Variants in CACNA1A observed in about 807,000 individuals in gnomAD.
CACNA1A encodes calcium voltage-gated channel subunit alpha1 A.
CACNA1A carries 57 observed loss-of-function variants against 262.4 expected under a neutral mutation model. The observed-to-expected ratio is 0.22, with a 90% CI of 0.18 to 0.27. The LOEUF is 0.27. Ranked by LOEUF, CACNA1A falls within the 10% of genes least tolerant of loss-of-function variation. The probability of loss-of-function intolerance (pLI) is 1.00; values close to 1 mark genes in which losing one functional copy is unlikely to be tolerated. For missense variants in CACNA1A, 2,526 were observed against 3,562.8 expected, an observed-to-expected ratio of 0.71 and a Z score of 7.41; for synonymous variants, 1,431 against 1,419.3, an observed-to-expected ratio of 1.01 and a Z score of -0.18.
At chr19:13,275,508 C>T (rs948493327) in intron 24 of CACNA1A, 10 of 314,738 alleles carry the variant, frequency 3.2e-5, no homozygotes, top group African/African-American at 1.7e-4. Context: ...AAAGAGACAG[C>T]GGTTTGGGCG....
chr19:13,339,217 C>T (rs1042264411), intron 6 of CACNA1A, among the ~76,000 whole-genome samples: 8 of 152,014 alleles, frequency 5.3e-5, no homozygotes, highest in African/African-American at 1.7e-4. Flanking sequence ...AATGCTGATA[C>T]GTGCTGCAAC....
At chr19:13,294,000 A>G (rs920369168) in intron 19 of CACNA1A, among the ~76,000 whole-genome samples, 1 of 152,052 alleles carries the variant, frequency 6.6e-6, no homozygotes, top group African/African-American at 2.4e-5. Flanking sequence ...TTAGGGAGAG[A>G]CATTTTGTCC....
intron 19 of CACNA1A, among the ~76,000 whole-genome samples, chr19:13,287,332 C>A (rs12609792): frequency 5.9e-4 from 89 of 151,866 alleles, no homozygotes; most frequent in Non-Finnish European, 1.1e-3. Flanking sequence ...GTCTGGGTGA[C>A]AGAGTGAGAC....
chr19:13,336,596 A>AGAGAGAGG (rs763741285), intron 6 of CACNA1A, among the ~76,000 whole-genome samples: 2,817 of 89,332 alleles, frequency 0.032, 25 homozygotes, highest in Admixed American at 0.064. Flanking sequence ...AGAGAGAGGG[A>AGAGAGAGG]GAGAGAGAGA....
chr19:13,470,033 T>G (rs2061323535), intron 1 of CACNA1A, among the ~76,000 whole-genome samples: 1 of 152,056 alleles, frequency 6.6e-6, no homozygotes, highest in Non-Finnish European at 1.5e-5. Flanking sequence ...GCTGGTGACA[T>G]TAAATTCATG....
At chr19:13,215,036 G>C (rs1472444839) in intron 38 of CACNA1A, 25 of 164,064 alleles carry the variant, frequency 1.5e-4, no homozygotes, top group Admixed American at 1.5e-3. Context: ...TTTAGACAGA[G>C]TCTTGCTCTG....
intron 29 of CACNA1A, among the ~76,000 whole-genome samples, chr19:13,254,202 C>T (rs1194653430): frequency 1.3e-5 from 2 of 152,078 alleles, no homozygotes; most frequent in African/African-American, 4.8e-5. Flanking sequence ...GTTGCTTGTA[C>T]AAAGGTAAAT....
intron 6 of CACNA1A, among the ~76,000 whole-genome samples, chr19:13,340,904 C>T (rs1182705218): frequency 6.6e-6 from 1 of 151,944 alleles, no homozygotes; most frequent in Non-Finnish European, 1.5e-5. Context: ...GACGGGTTTC[C>T]TTATAAAAAG....
At chr19:13,277,259 T>A in intron 22 of CACNA1A, 131 bp from the exon 23 acceptor site, 1 of 635,752 alleles carries the variant, frequency 1.6e-6, no homozygotes, top group Non-Finnish European at 2.8e-6. Flanking sequence ...TATATACAGT[T>A]GCGCAGGGCG....
chr19:13,292,697 G>A (rs1368088475), intron 19 of CACNA1A, among the ~76,000 whole-genome samples: 1 of 152,142 alleles, frequency 6.6e-6, no homozygotes, highest in African/African-American at 2.4e-5. Context: ...GACTGAAGAA[G>A]AGGAAAAATG....
chr19:13,497,364 C>A (rs1981653963), intron 1 of CACNA1A, among the ~76,000 whole-genome samples: 1 of 148,028 alleles, frequency 6.8e-6, no homozygotes, highest in African/African-American at 2.5e-5. Flanking sequence ...AAACAATCCC[C>A]CACCCCAAAC....
intron 6 of CACNA1A, among the ~76,000 whole-genome samples, chr19:13,336,622 AG>A (rs2058578896): frequency 6.6e-6 from 1 of 150,936 alleles, no homozygotes; most frequent in South Asian, 2.1e-4. Flanking sequence ...AGAGAGAGAG[AG>A]AGAGAGAGAG....
intron 6 of CACNA1A, among the ~76,000 whole-genome samples, chr19:13,347,580 T>C (rs75454415): frequency 0.029 from 4,436 of 152,284 alleles, 213 homozygotes; most frequent in African/African-American, 0.1. Flanking sequence ...TTATCTGTCG[T>C]TACTTTCACG....
At position 13,303,828 on chromosome 19, in the gene CACNA1A, C is replaced by A; in HGVS notation, c.2043G>T (p.Gly681=). The A allele has an allele frequency of 6.2e-7, 1 of 1,613,782 alleles. No homozygotes were observed. Among genetic ancestry groups the A allele is most frequent in the Non-Finnish European group, 8.5e-7 (1 of 1,179,746 alleles). The stretch of plus-strand genomic sequence containing the variant: ...AGAACACCATGCCGCCCTGCACGCC[C>A]CCCTGAGACTTGATCCCGTCGTACA... ...EVMYDGIKSQ[G]GVQGGMVFSI... The change falls in exon 16 of 47, where the codon GGG becomes GGT. Residue 681 remains glycine, a synonymous_variant. Transcript: ENST00000360228.
chr19:13,468,858 T>C (rs1473017226), intron 1 of CACNA1A, among the ~76,000 whole-genome samples: 1 of 152,004 alleles, frequency 6.6e-6, no homozygotes, highest in East Asian at 1.9e-4. Context: ...AAGACCAAGG[T>C]GGGGCCACTG....
chr19:13,466,867 T>C (rs2061252299), intron 1 of CACNA1A, among the ~76,000 whole-genome samples: 1 of 148,282 alleles, frequency 6.7e-6, no homozygotes, highest in Non-Finnish European at 1.5e-5. Flanking sequence ...CCTCTCTCTT[T>C]TAAATTTCCA....
chr19:13,482,546 G>C (rs905645982), intron 1 of CACNA1A, among the ~76,000 whole-genome samples: 6 of 151,510 alleles, frequency 4.0e-5, no homozygotes, highest in African/African-American at 1.5e-4. Context: ...TGAGAACCTA[G>C]TTTCACTTTG....
At chr19:13,242,806 G>A (rs545575646) in intron 31 of CACNA1A, among the ~76,000 whole-genome samples, 1 of 152,174 alleles carries the variant, frequency 6.6e-6, no homozygotes, top group Non-Finnish European at 1.5e-5. Context: ...AAGTGTCTGA[G>A]GTTGGTTGCA....
At position 13,207,286 on chromosome 19, in the gene CACNA1A, G is replaced by C. The variant is rs773504559; in HGVS notation, c.*27C>G. 13 of 1,528,654 alleles carry C rather than the reference G, an allele frequency of 8.5e-6. No individual in the cohort carries two copies. Among genetic ancestry groups the C allele is most frequent in the Admixed American group, 5.9e-5 (3 of 51,126 alleles). The allele number at this position is 1,528,654 out of a possible 1,614,324, so 94.7% of individuals were successfully genotyped here. On this transcript the variant is annotated 3_prime_UTR_variant, in exon 47 of 47. Transcript: ENST00000360228. This position sits in a 1 kb window ranked among gnomAD's most constrained non-coding sequence, Gnocchi z 5.7. Reference sequence around the variant, plus strand: ...GGTGTGTGCGTGGGGTGCGTGGGGGGCCGGGCGGGCGCCACCTCGCCCGGG... The same window carrying C: ...GGTGTGTGCGTGGGGTGCGTGGGGGCCCGGGCGGGCGCCACCTCGCCCGGG...
Sources: allele counts gnomAD v4.1 joint callset (sites outside exome capture counted in the v4.1 genomes callset), GRCh38; gene constraint gnomAD v4.1.1; non-coding constraint Gnocchi (gnomAD v3.1); transcripts MANE v1.5; gene names NCBI Gene and HGNC (gene_info 2026-07-23, HGNC 2026-07-21).